The following GTF2IRD1 variants were observed in gnomAD, a reference collection of about 807,000 sequenced individuals.
GTF2IRD1 encodes the protein GTF2I repeat domain containing 1.
GTF2IRD1 carries 26 observed loss-of-function variants against 113.2 expected under a neutral mutation model. The observed-to-expected ratio is 0.23, with a 90% confidence interval of 0.17 to 0.32. GTF2IRD1 has a LOEUF of 0.32. Ranked by LOEUF, GTF2IRD1 falls within the 10% of genes least tolerant of loss-of-function variation. The pLI, the probability that GTF2IRD1 is intolerant of heterozygous loss-of-function variation, is 1.00. For missense variants in GTF2IRD1, 864 were observed against 1,280.8 expected, an observed-to-expected ratio of 0.67 and a Z score of 4.97; for synonymous variants, 484 against 529.1, an observed-to-expected ratio of 0.91 and a Z score of 1.17.
chr7:74,528,976 T>C (rs1009636421), intron 8 of GTF2IRD1, among the ~76,000 whole-genome samples: 4 of 145,648 alleles, frequency 2.7e-5, no homozygotes, highest in Non-Finnish European at 4.6e-5. Flanking sequence ...GATGGATGGA[T>C]GGATGGATGG....
intron 1 of GTF2IRD1, among the ~76,000 whole-genome samples, chr7:74,502,949 C>T (rs1483314656): frequency 1.3e-5 from 2 of 152,066 alleles, no homozygotes; most frequent in African/African-American, 4.8e-5. Flanking sequence ...GGCGGATCAC[C>T]TGAGGTCAGG....
intron 24 of GTF2IRD1, among the ~76,000 whole-genome samples, chr7:74,593,076 G>A (rs1802160234): frequency 6.6e-6 from 1 of 151,248 alleles, no homozygotes; most frequent in Non-Finnish European, 1.5e-5. Context: ...AGGCTGGTCT[G>A]GAACTCCTGA....
intron 1 of GTF2IRD1, chr7:74,487,424 C>A (rs1201562452): frequency 6.6e-6 from 1 of 152,142 alleles, no homozygotes; most frequent in Non-Finnish European, 1.5e-5. Context: ...ACTAAGTCAC[C>A]CAAAGTGTAA....
chr7:74,512,761 C>T lies in GTF2IRD1; in HGVS notation c.124-69C>T, dbSNP rs981563984. 37 of 1,494,852 alleles carry T rather than the reference C, an allele frequency of 2.5e-5. No homozygotes were observed. The highest frequency in any genetic ancestry group is 1.6e-4 in the African/African-American group (12 of 72,758). 92.6% of individuals were successfully genotyped at this position (1,494,852 alleles called of 1,614,324 possible). Reference sequence around the variant, plus strand: ...CAGCTGGGAGCTCACATCCCACCCCCGAAGTGGATACTAGAGGTGTTCGGA... The same window carrying T: ...CAGCTGGGAGCTCACATCCCACCCCTGAAGTGGATACTAGAGGTGTTCGGA... On this transcript the variant is annotated intron_variant, in intron 2 of 26. Coordinates refer to ENST00000424337, the MANE Select transcript of GTF2IRD1 (RefSeq NM_005685.4). This position sits in a 1 kb window ranked among gnomAD's most constrained non-coding sequence, Gnocchi z 4.4.
In GTF2IRD1 at chr7:74,470,476, GT is replaced by G. The variant is rs1285133403; in HGVS notation, c.-7+16305del. ...TAATTGCTAATGGTTGTCTCTCTGG[GT>G]TTTTGATAGCTTATTTATAACATTC... On this transcript the variant is annotated intron_variant, in intron 1 of 26. Coordinates refer to ENST00000424337, the MANE Select transcript of GTF2IRD1 (RefSeq NM_005685.4). Among the ~76,000 whole-genome samples the G allele has an allele frequency of 7.2e-5, 11 of 152,176 alleles. No homozygotes were observed. The East Asian group carries it at 1.7e-3, about 24-fold the overall frequency.
At chr7:74,455,277 G>T (rs782179980) in intron 1 of GTF2IRD1, among the ~76,000 whole-genome samples, 3 of 152,226 alleles carry the variant, frequency 2.0e-5, no homozygotes, top group Non-Finnish European at 4.4e-5. Flanking sequence ...CTGGCGGGTG[G>T]GAGTGGAGGG....
At chr7:74,471,449 C>T (rs1015670590) in intron 1 of GTF2IRD1, among the ~76,000 whole-genome samples, 11 of 151,878 alleles carry the variant, frequency 7.2e-5, no homozygotes, top group East Asian at 2.0e-4. Flanking sequence ...TTCAAGCCTG[C>T]GGTGAGCTAT....
At chr7:74,533,457 T>A (rs1254814292) in intron 9 of GTF2IRD1, among the ~76,000 whole-genome samples, 1 of 152,186 alleles carries the variant, frequency 6.6e-6, no homozygotes, top group Non-Finnish European at 1.5e-5. Flanking sequence ...CTTACCTGGA[T>A]GACTTGGGTC....
intron 9 of GTF2IRD1, among the ~76,000 whole-genome samples, chr7:74,532,696 G>T (rs1050026869): frequency 3.0e-4 from 46 of 152,304 alleles, no homozygotes; most frequent in African/African-American, 1.1e-3. Context: ...ATCCAGATGT[G>T]TGGGGGCCTT....
In GTF2IRD1 at chr7:74,601,789, A is replaced by C. The variant is rs1180688972; in HGVS notation, c.2767-576A>C. ...AAGAGTGAAACACTGTCTCAGAAAA[A>C]AAAATTAGCCAGGCATGGTGGCACG... On this transcript the variant is annotated intron_variant, in intron 26 of 26. Coordinates refer to ENST00000424337, the MANE Select transcript of GTF2IRD1 (RefSeq NM_005685.4). The C allele has an allele frequency of 3.5e-5, 6 of 172,380 alleles. No homozygotes were observed. The East Asian group carries it at 9.0e-4, about 26-fold the overall frequency. The allele number at this position is 172,380 out of a possible 1,614,324, so 10.7% of individuals were successfully genotyped here. A position where few individuals can be genotyped will look rare whatever the true frequency, so the allele number is the denominator to read the frequency against.
In GTF2IRD1 at chr7:74,519,496, C is replaced by T. The variant is rs965484600; in HGVS notation, c.693C>T (p.Gly231=). Reference sequence around the variant, plus strand: ...TTCCCAAGGGGTCACGGGACTGTGGCCTGCATGGCCAGGCCCCCAAGGTGC... The same window carrying T: ...TTCCCAAGGGGTCACGGGACTGTGGTCTGCATGGCCAGGCCCCCAAGGTGC... ...SLIPKGSRDC[G]LHGQAPKVPP... Residue 231 remains glycine, a synonymous_variant, in exon 6 of 27, where the codon GGC becomes GGT. Coordinates refer to ENST00000424337, the MANE Select transcript of GTF2IRD1 (RefSeq NM_005685.4). The T allele has an allele frequency of 6.2e-7, 1 of 1,609,986 alleles. No homozygotes were observed. Among genetic ancestry groups the T allele is most frequent in the Non-Finnish European group, 8.5e-7 (1 of 1,178,152 alleles).
At chr7:74,527,140 C>T (rs587745979) in intron 8 of GTF2IRD1, among the ~76,000 whole-genome samples, 86 of 152,112 alleles carry the variant, frequency 5.7e-4, no homozygotes, top group Non-Finnish European at 1.1e-3. Flanking sequence ...CATGGTCATA[C>T]GGGGAGGCAA....
chr7:74,523,427 A>C (rs1554346441), intron 7 of GTF2IRD1, among the ~76,000 whole-genome samples: 2 of 151,926 alleles, frequency 1.3e-5, no homozygotes, highest in Non-Finnish European at 2.9e-5. Flanking sequence ...AAAATAAAAT[A>C]CTCGACCTCA....
chr7:74,590,788 G>A (rs782473834), intron 23 of GTF2IRD1, 37 bp from the exon 24 acceptor site: 2 of 1,427,412 alleles, frequency 1.4e-6, no homozygotes, highest in African/African-American at 2.8e-5. Flanking sequence ...ATTGACAGGA[G>A]ACATCTTTCC....
At chr7:74,507,732 T>C (rs1214149424) in intron 1 of GTF2IRD1, 5 of 233,388 alleles carry the variant, frequency 2.1e-5, no homozygotes, top group Admixed American at 1.5e-4. Context: ...TAGGGAGCCA[T>C]GGAGGGTGTG....
At position 74,478,155 on chromosome 7, in the gene GTF2IRD1, T is replaced by A. The variant is rs900905353; in HGVS notation, c.-7+23979T>A. Among the ~76,000 whole-genome samples the A allele has an allele frequency of 3.3e-5, 5 of 152,314 alleles. No individual in the cohort carries two copies. The East Asian group carries it at 9.6e-4, about 29-fold the overall frequency. On this transcript the variant is annotated intron_variant, in intron 1 of 26. Transcript: ENST00000424337. ...ATGCCCGGGTTCCCTGACCCCTAGC[T>A]GGGTGCCAAGCCTGCATTTCCCACC...
intron 1 of GTF2IRD1, among the ~76,000 whole-genome samples, chr7:74,458,718 G>A (rs1346912101): frequency 4.7e-5 from 7 of 150,338 alleles, no homozygotes; most frequent in Non-Finnish European, 8.9e-5. Flanking sequence ...GCAGTGGCAC[G>A]ATCCCAACTC....
At chr7:74,456,608 G>A (rs782273155) in intron 1 of GTF2IRD1, among the ~76,000 whole-genome samples, 3 of 151,966 alleles carry the variant, frequency 2.0e-5, no homozygotes, top group Non-Finnish European at 2.9e-5. Context: ...GCTTGAACCC[G>A]GGAGGTGGAG....
Position 74,508,161 on chromosome 7 carries a change from A to T in GTF2IRD1, c.81A>T (p.Lys27Asn). 1 of 1,612,914 alleles carries T rather than the reference A, an allele frequency of 6.2e-7. No individual in the cohort carries two copies. Among genetic ancestry groups the T allele is most frequent in the Middle Eastern group, 1.6e-4 (1 of 6,062 alleles). ...PDRWNSAFTR[K>N]DEIITSLVSA... ...GCTGGAACTCCGCGTTCACCCGCAAAGACGAGATCATCACCAGCCTCGTGT... is the reference window on the plus strand; with the variant it reads ...GCTGGAACTCCGCGTTCACCCGCAATGACGAGATCATCACCAGCCTCGTGT... The change falls in exon 2 of 27, where the codon AAA (lysine) becomes AAT (asparagine). Residue 27 changes from lysine (K) to asparagine (N), a missense_variant. Lys to Asn is a moderately conservative substitution (Grantham distance 94, BLOSUM62 0). Coordinates refer to ENST00000424337, the MANE Select transcript of GTF2IRD1 (RefSeq NM_005685.4).
Sources: gnomAD v4.1 joint callset for allele counts (sites outside exome capture counted in the v4.1 genomes callset) on GRCh38, gnomAD v4.1.1 for gene constraint, Gnocchi (gnomAD v3.1) non-coding constraint, MANE v1.5 for transcripts, NCBI Gene and HGNC (gene_info 2026-07-23, HGNC 2026-07-21) for gene names.